Variants in SEC63 observed in about 807,000 individuals in gnomAD.
SEC63 encodes translocation protein SEC63 homolog.
Under a neutral mutation model 116.2 loss-of-function variants are expected in SEC63, and 56 were observed. The ratio of observed to expected loss-of-function variants is 0.48; its 90% CI spans 0.39 to 0.60. The LOEUF (loss-of-function observed/expected upper bound fraction) is 0.60. Ranked by LOEUF, SEC63 falls within the 20% of genes least tolerant of loss-of-function variation. The pLI is 0.00. For synonymous variants in SEC63, 273 were observed against 294.6 expected, an observed-to-expected ratio of 0.93 and a Z score of 0.75; for missense variants, 668 against 900.0, an observed-to-expected ratio of 0.74 and a Z score of 3.30.
At chr6:107,957,799 G>A in intron 1 of SEC63, 87 bp downstream of exon 1, 1 of 1,326,100 alleles carries the variant, frequency 7.5e-7, no homozygotes, top group Non-Finnish European at 9.7e-7. Flanking sequence ...GACGCCGCGG[G>A]CTGGGGCCGG....
intron 1 of SEC63, among the ~76,000 whole-genome samples, chr6:107,934,163 C>T (rs879019385): frequency 1.3e-5 from 2 of 152,026 alleles, no homozygotes; most frequent in African/African-American, 2.4e-5. Flanking sequence ...AAGTGAGGAG[C>T]GTCTCTGCCT....
chr6:107,902,366 A>G (rs926037866), intron 12 of SEC63, among the ~76,000 whole-genome samples: 1 of 152,094 alleles, frequency 6.6e-6, no homozygotes, highest in South Asian at 2.1e-4. Context: ...TCAGTTTCTT[A>G]TATTTCCTCA....
intron 18 of SEC63, among the ~76,000 whole-genome samples, chr6:107,879,919 G>C (rs1304306179): frequency 6.6e-6 from 1 of 152,096 alleles, no homozygotes; most frequent in African/African-American, 2.4e-5. Flanking sequence ...GGGAGTGAAT[G>C]AATGTTTCTC....
intron 7 of SEC63, 156 bp downstream of exon 7, chr6:107,911,190 C>T: frequency 1.1e-5 from 7 of 654,964 alleles, no homozygotes; most frequent in South Asian, 7.3e-5. Context: ...CACCTAGGCT[C>T]AAGCGATCCT....
chr6:107,927,610 A>G (rs1486730978), intron 2 of SEC63, among the ~76,000 whole-genome samples: 3 of 152,196 alleles, frequency 2.0e-5, no homozygotes, highest in African/African-American at 2.4e-5. Flanking sequence ...AAAGCTTCAT[A>G]AAAGTTTTTT....
intron 4 of SEC63, among the ~76,000 whole-genome samples, chr6:107,915,493 A>G (rs1264549457): frequency 1.3e-5 from 2 of 152,152 alleles, no homozygotes; most frequent in African/African-American, 2.4e-5. Context: ...CATATCTTTA[A>G]GGTGACAACA....
At chr6:107,947,238 A>G (rs1389062639) in intron 1 of SEC63, among the ~76,000 whole-genome samples, 1 of 152,140 alleles carries the variant, frequency 6.6e-6, no homozygotes, top group African/African-American at 2.4e-5. Flanking sequence ...CAGAGGTTGC[A>G]GTGAGCCAAG....
At chr6:107,892,498 C>G (rs1359119368) in intron 16 of SEC63, among the ~76,000 whole-genome samples, 2 of 152,020 alleles carry the variant, frequency 1.3e-5, no homozygotes. Flanking sequence ...GTCAGGATGT[C>G]TTAATTTTTA....
intron 1 of SEC63, among the ~76,000 whole-genome samples, chr6:107,943,784 G>A (rs1040595603): frequency 6.6e-6 from 1 of 152,214 alleles, no homozygotes; most frequent in African/African-American, 2.4e-5. Context: ...AGTGAAGCAC[G>A]TATGGCTGGA....
chr6:107,883,179 A>G (rs767199984), intron 16 of SEC63, 33 bp from the exon 17 acceptor site: 3 of 1,608,720 alleles, frequency 1.9e-6, no homozygotes, highest in South Asian at 1.1e-5. Flanking sequence ...AAGATTCTGC[A>G]TATCTCAATG....
intron 14 of SEC63, 40 bp downstream of exon 14, chr6:107,897,609 C>T: frequency 7.7e-7 from 1 of 1,306,716 alleles, no homozygotes; most frequent in Non-Finnish European, 1.1e-6. Flanking sequence ...AGCCTTGACA[C>T]ACAACTCTTA....
At chr6:107,957,768 C>T in intron 1 of SEC63, 118 bp downstream of exon 1, 1 of 1,131,288 alleles carries the variant, frequency 8.8e-7, no homozygotes, top group Non-Finnish European at 1.1e-6. Context: ...CAGGCCGGGC[C>T]GCACCGTCCC....
intron 4 of SEC63, among the ~76,000 whole-genome samples, chr6:107,920,324 A>C (rs1787524547): frequency 1.3e-5 from 2 of 149,628 alleles, no homozygotes; most frequent in Admixed American, 6.7e-5. Context: ...TATTCGGGAG[A>C]CTGAGGCAGG....
chr6:107,958,040 C>A lies in SEC63; in HGVS notation c.-31G>T. 1 of 1,611,734 alleles carries A rather than the reference C, an allele frequency of 6.2e-7. No individual in the cohort carries two copies. On this transcript the variant is annotated 5_prime_UTR_variant, in exon 1 of 21. Coordinates refer to ENST00000369002, the MANE Select transcript of SEC63 (RefSeq NM_007214.5). ...CCCCTCCTCCGCCTCGCTCTTCTCA[C>A]CGCCGCCGCCACGACCACGCTCTGC...
At chr6:107,872,745 T>C (rs993463139) in intron 20 of SEC63, 63 bp downstream of exon 20, 1 of 986,730 alleles carries the variant, frequency 1.0e-6, no homozygotes, top group Non-Finnish European at 1.6e-6. Flanking sequence ...CTAGAAATGT[T>C]TTCCTAGTAT....
chr6:107,891,751 C>G (rs754386762), intron 16 of SEC63, among the ~76,000 whole-genome samples: 1 of 152,166 alleles, frequency 6.6e-6, no homozygotes, highest in Non-Finnish European at 1.5e-5. Flanking sequence ...TCTGAGTGGA[C>G]GTCCTTTTTG....
intron 1 of SEC63, among the ~76,000 whole-genome samples, chr6:107,956,363 A>C (rs1191107219): frequency 1.3e-5 from 2 of 152,206 alleles, no homozygotes; most frequent in Non-Finnish European, 2.9e-5. Flanking sequence ...GAAATACAAC[A>C]ACCACAAGAA....
intron 18 of SEC63, among the ~76,000 whole-genome samples, chr6:107,879,825 A>G (rs1786370527): frequency 6.6e-6 from 1 of 151,170 alleles, no homozygotes; most frequent in African/African-American, 2.4e-5. Flanking sequence ...CCTGGGCTCA[A>G]GTGATCCTCC....
chr6:107,913,766 G>A (rs766181361), intron 4 of SEC63, among the ~76,000 whole-genome samples: 3 of 152,120 alleles, frequency 2.0e-5, no homozygotes, highest in Non-Finnish European at 2.9e-5. Flanking sequence ...AATTGTAGGC[G>A]ATTTTTTTCC....
Sources: allele counts gnomAD v4.1 joint callset (sites outside exome capture counted in the v4.1 genomes callset), GRCh38; gene constraint gnomAD v4.1.1; transcripts MANE v1.5; gene names NCBI Gene and HGNC (gene_info 2026-07-23, HGNC 2026-07-21).